Variants in PLD1 observed in about 807,000 individuals in gnomAD.
The protein encoded by PLD1 is choline phosphatase 1.
In PLD1, 112 loss-of-function variants were observed where a neutral mutation model predicts 137.1. The observed-to-expected ratio is 0.82, with a 90% confidence interval of 0.70 to 0.96. The LOEUF (loss-of-function observed/expected upper bound fraction) is 0.96, where lower values mean the gene tolerates loss of function less well. Ranked by LOEUF, PLD1 falls within the 40% of genes least tolerant of loss-of-function variation. PLD1 has a pLI of 0.00. For missense variants in PLD1, 1,321 were observed against 1,342.0 expected (o/e 0.98, Z 0.24); for synonymous variants, 431 against 454.7 (o/e 0.95, Z 0.66).
intron 24 of PLD1, among the ~76,000 whole-genome samples, chr3:171,614,657 G>A (rs1578105634): frequency 6.6e-6 from 1 of 152,242 alleles, no homozygotes. Context: ...TGTGTGAACT[G>A]TAGGAGCTCA....
intron 23 of PLD1, among the ~76,000 whole-genome samples, chr3:171,639,630 T>TATAATATATATTCATATAATATATATTC (rs1560170352): frequency 3.0e-5 from 1 of 33,674 alleles, no homozygotes; most frequent in African/African-American, 2.8e-4. Flanking sequence ...ATATATATTC[T>TATAATATATATTCATATAATATATATTC]ATATAATATA....
chr3:171,758,322 CA>C (rs1473458916), intron 1 of PLD1, among the ~76,000 whole-genome samples: 1 of 152,218 alleles, frequency 6.6e-6, no homozygotes, highest in East Asian at 1.9e-4. Context: ...ATTTCTTAAT[CA>C]ATGTGCACTG....
chr3:171,696,075 T>C (rs1048259117), intron 12 of PLD1, among the ~76,000 whole-genome samples: 3 of 152,310 alleles, frequency 2.0e-5, no homozygotes, highest in African/African-American at 7.2e-5. Context: ...TTCCCTTTTA[T>C]TGGTCACTGA....
At chr3:171,635,965 C>CTTTTTTTTTTTTTTTTTTTT (rs71178231) in intron 23 of PLD1, among the ~76,000 whole-genome samples, 16 of 49,284 alleles carry the variant, frequency 3.2e-4, no homozygotes, top group Admixed American at 1.3e-3. Flanking sequence ...GGTTCAACTT[C>CTTTTTTTTTTTTTTTTTTTT]TTTTTTTTTT....
chr3:171,805,859 T>C (rs534631351), intron 1 of PLD1, among the ~76,000 whole-genome samples: 1 of 152,308 alleles, frequency 6.6e-6, no homozygotes, highest in East Asian at 1.9e-4. Context: ...GATCTCACTA[T>C]GCCTCAAACT....
intron 24 of PLD1, among the ~76,000 whole-genome samples, chr3:171,613,951 T>G (rs768227789): frequency 1.3e-5 from 2 of 152,168 alleles, no homozygotes; most frequent in African/African-American, 4.8e-5. Context: ...TCTTCAGACG[T>G]GGAGCAGAAG....
At chr3:171,726,778 T>C (rs1718548577) in intron 6 of PLD1, among the ~76,000 whole-genome samples, 1 of 152,208 alleles carries the variant, frequency 6.6e-6, no homozygotes. Flanking sequence ...GTGCTAACTA[T>C]GAGTTGGTGT....
At chr3:171,625,862 C>T (rs1263799855) in intron 23 of PLD1, among the ~76,000 whole-genome samples, 2 of 152,138 alleles carry the variant, frequency 1.3e-5, no homozygotes, top group African/African-American at 4.8e-5. Context: ...ACATCACCAT[C>T]ATCAAAGACC....
At chr3:171,670,051 A>C (rs1233351516) in intron 19 of PLD1, among the ~76,000 whole-genome samples, 1 of 152,198 alleles carries the variant, frequency 6.6e-6, no homozygotes, top group African/African-American at 2.4e-5. Flanking sequence ...TCTCACTCAT[A>C]TGTGGAAGCT....
At chr3:171,742,922 T>C (rs1455324412) in intron 1 of PLD1, among the ~76,000 whole-genome samples, 2 of 152,240 alleles carry the variant, frequency 1.3e-5, no homozygotes, top group African/African-American at 4.8e-5. Context: ...TATCCTCTGA[T>C]GTTTACTTGG....
At chr3:171,625,410 C>T (rs992119452) in intron 23 of PLD1, among the ~76,000 whole-genome samples, 82 of 152,342 alleles carry the variant, frequency 5.4e-4, no homozygotes, top group African/African-American at 8.7e-4. Flanking sequence ...TCTGTAGGCC[C>T]CACCTCTGGG....
At chr3:171,673,720 A>G (rs1713032870) in intron 19 of PLD1, among the ~76,000 whole-genome samples, 1 of 152,264 alleles carries the variant, frequency 6.6e-6, no homozygotes, top group African/African-American at 2.4e-5. Context: ...TCTGCATTAT[A>G]TAAGTCCCTA....
intron 1 of PLD1, among the ~76,000 whole-genome samples, chr3:171,755,012 A>G (rs1720918990): frequency 6.6e-6 from 1 of 152,104 alleles, no homozygotes; most frequent in South Asian, 2.1e-4. Flanking sequence ...GAGAGCATGC[A>G]GTCCATCTCT....
intron 11 of PLD1, among the ~76,000 whole-genome samples, chr3:171,706,564 G>A (rs1055055389): frequency 4.0e-5 from 6 of 151,894 alleles, no homozygotes; most frequent in African/African-American, 9.7e-5. Context: ...AAAAATCTCT[G>A]TTCATTGTTT....
At chr3:171,662,491 C>G (rs1276022118) in intron 19 of PLD1, among the ~76,000 whole-genome samples, 2 of 152,152 alleles carry the variant, frequency 1.3e-5, no homozygotes, top group African/African-American at 4.8e-5. Context: ...AAGACTATTT[C>G]AGAAGTACCT....
Position 171,692,371 on chromosome 3 carries a change from G to A in PLD1, c.1299C>T (p.Tyr433=), listed in dbSNP as rs201073177. 1.1e-5 allele frequency: 17 copies of A among 1,588,464 alleles called. 1 individual carries two copies. The African/African-American group carries it at 1.1e-4, about 10-fold the overall frequency. ...GTAGACGCATCAAAGTCCTCTTGGTGTATTCACTATTGATGCCAAGAGCGA... is the reference window on the plus strand; with the variant it reads ...GTAGACGCATCAAAGTCCTCTTGGTATATTCACTATTGATGCCAAGAGCGA... ...VELALGINSE[Y]TKRTLMRLHP... is the part of the protein sequence containing the mutation. Residue 433 remains tyrosine (Y), a synonymous_variant, in exon 13 of 27, where the codon TAC becomes TAT. Transcript: ENST00000351298.
chr3:171,614,657 G>C (rs1578105634), intron 24 of PLD1, among the ~76,000 whole-genome samples: 1 of 152,242 alleles, frequency 6.6e-6, no homozygotes, highest in East Asian at 1.9e-4. Context: ...TGTGTGAACT[G>C]TAGGAGCTCA....
intron 1 of PLD1, among the ~76,000 whole-genome samples, chr3:171,799,465 G>A (rs554911432): frequency 5.8e-4 from 87 of 150,156 alleles, no homozygotes; most frequent in Middle Eastern, 3.5e-3. Context: ...CCACCTAAGT[G>A]TACTACTTTT....
chr3:171,681,861 C>T (rs1474562338), intron 16 of PLD1, among the ~76,000 whole-genome samples: 14 of 152,060 alleles, frequency 9.2e-5, no homozygotes, highest in Admixed American at 3.3e-4. Flanking sequence ...TCCCTTGTGA[C>T]GAGACATTCA....
Sources: gnomAD v4.1 joint callset for allele counts (sites outside exome capture counted in the v4.1 genomes callset) on GRCh38, gnomAD v4.1.1 for gene constraint, MANE v1.5 for transcripts, NCBI Gene and HGNC (gene_info 2026-07-23, HGNC 2026-07-21) for gene names.